Variants in SORCS1 observed in about 807,000 individuals in gnomAD.
SORCS1 encodes the protein VPS10 domain-containing receptor SorCS1.
In SORCS1, 60 loss-of-function variants were observed where a neutral mutation model predicts 146.1. The ratio of observed to expected loss-of-function variants is 0.41; its 90% CI spans 0.33 to 0.51. The LOEUF (loss-of-function observed/expected upper bound fraction) is 0.51, where lower values mean the gene tolerates loss of function less well. Ranked by LOEUF, SORCS1 falls within the 20% of genes least tolerant of loss-of-function variation. The probability of loss-of-function intolerance (pLI) is 0.21; values close to 1 mark genes in which losing one functional copy is unlikely to be tolerated. For synonymous variants in SORCS1, 637 were observed against 584.0 expected, an observed-to-expected ratio of 1.09 and a Z score of -1.31; for missense variants, 1,352 against 1,487.6, an observed-to-expected ratio of 0.91 and a Z score of 1.50.
chr10:106,818,619 G>A (rs536927646), intron 3 of SORCS1, among the ~76,000 whole-genome samples: 2 of 152,208 alleles, frequency 1.3e-5, no homozygotes, highest in East Asian at 1.9e-4. Context: ...CTGCCTCGGC[G>A]GGATTACAGG....
chr10:107,083,421 CTGTT>C (rs1565017659), intron 1 of SORCS1, among the ~76,000 whole-genome samples: 1 of 152,106 alleles, frequency 6.6e-6, no homozygotes, highest in Non-Finnish European at 1.5e-5. Context: ...TTTTTATTGT[CTGTT>C]TGTATTGTTT....
At chr10:106,591,973 C>G (rs1845630426) in intron 24 of SORCS1, among the ~76,000 whole-genome samples, 1 of 152,210 alleles carries the variant, frequency 6.6e-6, no homozygotes, top group Admixed American at 6.5e-5. Context: ...TGACTGCATT[C>G]TATTCCCTTT....
intron 3 of SORCS1, among the ~76,000 whole-genome samples, chr10:106,805,467 C>A (rs971414610): frequency 2.0e-5 from 3 of 152,146 alleles, no homozygotes; most frequent in South Asian, 2.1e-4. Flanking sequence ...AAAGGAACTA[C>A]AATATGTTAA....
At position 106,679,292 on chromosome 10, in the gene SORCS1, C is replaced by T. The variant is rs372113625; in HGVS notation, c.1704G>A (p.Met568Ile). The change falls in exon 12 of 26, where the codon ATG (methionine) becomes ATA (isoleucine). Residue 568 changes from methionine to isoleucine, a missense_variant. Coordinates refer to ENST00000263054, the MANE Select transcript of SORCS1 (RefSeq NM_052918.5). The part of the protein sequence containing the change: ...GSELSDTDIS[M>I]FVSSDAGNTW... ...TGTTCCCTGCATCTGAAGAGACAAA[C>T]ATGCTGATGTCAGTGTCTGACAATT... 2 of 1,613,322 alleles carry T rather than the reference C, an allele frequency of 1.2e-6. No individual in the cohort carries two copies. Among genetic ancestry groups the T allele is most frequent in the African/African-American group, 2.7e-5 (2 of 74,900 alleles).
intron 14 of SORCS1, among the ~76,000 whole-genome samples, chr10:106,674,043 G>A (rs986404549): frequency 5.9e-5 from 9 of 151,584 alleles, no homozygotes; most frequent in Admixed American, 2.6e-4. Context: ...TAGGCCAGGC[G>A]TGGTGGCTCA....
chr10:107,109,826 G>C (rs557087714), intron 1 of SORCS1, among the ~76,000 whole-genome samples: 2 of 152,260 alleles, frequency 1.3e-5, no homozygotes, highest in African/African-American at 4.8e-5. Flanking sequence ...CCAACTTTAA[G>C]TCATTTCTTT....
intron 1 of SORCS1, among the ~76,000 whole-genome samples, chr10:107,155,761 C>T (rs609453): frequency 0.18 from 26,806 of 152,064 alleles, 2,585 homozygotes; most frequent in East Asian, 0.26. Flanking sequence ...TGTGTCTCAA[C>T]AGCTCCTGTT....
chr10:107,126,116 T>C (rs942524897), intron 1 of SORCS1, among the ~76,000 whole-genome samples: 4 of 152,208 alleles, frequency 2.6e-5, no homozygotes, highest in Non-Finnish European at 4.4e-5. Context: ...CCTTCCTGAA[T>C]AAGTCTTTGC....
At chr10:107,144,719 A>G (rs1397437263) in intron 1 of SORCS1, among the ~76,000 whole-genome samples, 1 of 152,210 alleles carries the variant, frequency 6.6e-6, no homozygotes, top group South Asian at 2.1e-4. Flanking sequence ...GAACAGCTCC[A>G]CCTGCTGAAC....
intron 2 of SORCS1, among the ~76,000 whole-genome samples, chr10:106,855,954 G>A (rs1949769585): frequency 6.6e-6 from 1 of 152,032 alleles, no homozygotes; most frequent in South Asian, 2.1e-4. Context: ...TGAGGTACTA[G>A]GTAAAAGGAA....
At chr10:107,068,751 T>A (rs1339464679) in intron 1 of SORCS1, among the ~76,000 whole-genome samples, 1 of 151,902 alleles carries the variant, frequency 6.6e-6, no homozygotes, top group Non-Finnish European at 1.5e-5. Flanking sequence ...GGGCCTGTAG[T>A]CCCAGCTACT....
chr10:106,649,868 A>G (rs759949617), intron 18 of SORCS1, among the ~76,000 whole-genome samples: 1 of 152,044 alleles, frequency 6.6e-6, no homozygotes, highest in Non-Finnish European at 1.5e-5. Context: ...ACTTCTATTC[A>G]TATGGGTTCA....
At chr10:106,787,705 C>A (rs1946119361) in intron 3 of SORCS1, among the ~76,000 whole-genome samples, 1 of 152,152 alleles carries the variant, frequency 6.6e-6, no homozygotes, top group Non-Finnish European at 1.5e-5. Context: ...ACAACACGAT[C>A]TTTTATGGAT....
At chr10:107,178,549 C>T in the SORCS1 span, among the ~76,000 whole-genome samples, 2 of 151,538 alleles carry the variant, frequency 1.3e-5, no homozygotes, top group Non-Finnish European at 2.9e-5. Flanking sequence ...GCTGGAATGT[C>T]ACCCAGTGGT....
At chr10:107,036,411 A>G (rs116313201) in intron 1 of SORCS1, among the ~76,000 whole-genome samples, 2,261 of 152,300 alleles carry the variant, frequency 0.015, 58 homozygotes, top group African/African-American at 0.052. Context: ...ACTGAGGGAC[A>G]ATTGCATTCG....
chr10:106,578,307 T>G (rs1844686672), intron 25 of SORCS1: 1 of 152,130 alleles, frequency 6.6e-6, no homozygotes, highest in Admixed American at 6.6e-5. Context: ...AGATTCTCTA[T>G]ACCTCGTTGT....
At position 106,779,829 on chromosome 10, in the gene SORCS1, G is replaced by A. The variant is rs758201106; in HGVS notation, c.727-3137C>T. Among the ~76,000 whole-genome samples, 88 of 152,064 alleles carry A rather than the reference G, an allele frequency of 5.8e-4. 1 individual carries two copies. The highest frequency in any genetic ancestry group is 3.4e-3 in the Middle Eastern group (1 of 294). On this transcript the variant is annotated intron_variant, in intron 3 of 25. Coordinates refer to ENST00000263054, the MANE Select transcript of SORCS1 (RefSeq NM_052918.5). ...TTAACTGAGCCATAGACACACAAAT[G>A]CACACACGTTAACACACATGACTGT... is the stretch of plus-strand genomic sequence containing the variant.
At chr10:106,775,245 C>A (rs200153851) in intron 4 of SORCS1, among the ~76,000 whole-genome samples, 1 of 152,216 alleles carries the variant, frequency 6.6e-6, no homozygotes, top group East Asian at 1.9e-4. Context: ...ATGACTAATA[C>A]TCTGTCTGAG....
chr10:106,995,485 A>G (rs1405261826), intron 1 of SORCS1, among the ~76,000 whole-genome samples: 3 of 152,132 alleles, frequency 2.0e-5, no homozygotes, highest in African/African-American at 7.2e-5. Flanking sequence ...ATGGATTATC[A>G]AAGTGAAGCT....
Sources: allele counts gnomAD v4.1 joint callset (sites outside exome capture counted in the v4.1 genomes callset), GRCh38; gene constraint gnomAD v4.1.1; transcripts MANE v1.5; gene names NCBI Gene and HGNC (gene_info 2026-07-23, HGNC 2026-07-21).